Variants in PKHD1 observed in about 807,000 individuals in gnomAD.
The protein encoded by PKHD1 is PKHD1 ciliary IPT domain containing fibrocystin/polyductin, also known as fibrocystin.
In PKHD1, 291 loss-of-function variants were observed where a neutral mutation model predicts 412.0. The observed-to-expected ratio is 0.71, with a 90% confidence interval of 0.64 to 0.78. PKHD1 has a LOEUF of 0.78. PKHD1 is among the 30% of genes least tolerant of loss of function. PKHD1 has a pLI of 0.00. For missense variants in PKHD1, 4,825 were observed against 4,950.7 expected (o/e 0.97, Z 0.76); for synonymous variants, 1,777 against 1,821.5 (o/e 0.98, Z 0.62).
chr6:51,688,262 A>G (rs1362540783), intron 60 of PKHD1, among the ~76,000 whole-genome samples: 2 of 152,252 alleles, frequency 1.3e-5, no homozygotes, highest in Non-Finnish European at 2.9e-5. Context: ...TGTTAAACAC[A>G]ACCCCATATT....
At chr6:52,034,430 A>T (rs1300143712) in intron 28 of PKHD1, among the ~76,000 whole-genome samples, 1 of 152,030 alleles carries the variant, frequency 6.6e-6, no homozygotes, top group Admixed American at 6.6e-5. Context: ...AGTAAAATTT[A>T]TTTTTTATTA....
chr6:51,944,706 C>G (rs1226917843), intron 36 of PKHD1, among the ~76,000 whole-genome samples: 2 of 152,196 alleles, frequency 1.3e-5, no homozygotes, highest in Non-Finnish European at 2.9e-5. Context: ...CCCCATCCCC[C>G]AAATGGTGTG....
chr6:51,847,722 T>G, intron 50 of PKHD1, 53 bp downstream of exon 50: 1 of 1,228,076 alleles, frequency 8.1e-7, no homozygotes, highest in East Asian at 2.3e-5. Context: ...TGAAGGGTGA[T>G]TGGTGATTTC....
intron 52 of PKHD1, among the ~76,000 whole-genome samples, chr6:51,829,551 C>T (rs904334905): frequency 4.6e-5 from 7 of 152,022 alleles, no homozygotes; most frequent in East Asian, 1.9e-4. Flanking sequence ...GAATGACTCA[C>T]GAGCTTGTTT....
chr6:51,764,308 A>C (rs1424536517), intron 55 of PKHD1, among the ~76,000 whole-genome samples: 1 of 149,374 alleles, frequency 6.7e-6, no homozygotes, highest in Non-Finnish European at 1.5e-5. Context: ...AAAACACATG[A>C]AAAAATGCTC....
At chr6:51,780,272 G>C (rs1488028030) in intron 53 of PKHD1, among the ~76,000 whole-genome samples, 2 of 152,030 alleles carry the variant, frequency 1.3e-5, no homozygotes, top group African/African-American at 4.8e-5. Context: ...TGTAGTCTCA[G>C]CTACTCAAGA....
At chr6:51,855,397 CTTA>C (rs1773099536) in intron 49 of PKHD1, among the ~76,000 whole-genome samples, 1 of 152,206 alleles carries the variant, frequency 6.6e-6, no homozygotes, top group South Asian at 2.1e-4. Context: ...CTTCACTGCT[CTTA>C]TTTGTCTCCC....
At chr6:51,638,818 C>CAAAA in intron 64 of PKHD1, 31 bp downstream of exon 64, 2 of 639,300 alleles carry the variant, frequency 3.1e-6, no homozygotes, top group Non-Finnish European at 4.7e-6. Context: ...AAAAAAAAAA[C>CAAAA]ACAGAATAAA....
rs779557630 is a variant in PKHD1 at position 52,053,163 on chromosome 6, C to T, written c.2053G>A (p.Val685Ile). The T allele has an allele frequency of 1.2e-5, 20 of 1,614,194 alleles. No individual in the cohort carries two copies. Among genetic ancestry groups the T allele is most frequent in the Admixed American group, 5.0e-5 (3 of 60,034 alleles). Residue 685 changes from valine (V) to isoleucine (I), a missense_variant, in exon 21 of 67, where the codon GTT becomes ATT. By Grantham distance (29) the Val-to-Ile change is conservative. Coordinates refer to ENST00000371117, the MANE Select transcript of PKHD1 (RefSeq NM_138694.4). Reference protein sequence around the residue: ...QPPPANSPVLVHQINLLPLAQ... With the variant: ...QPPPANSPVLIHQINLLPLAQ... The stretch of plus-strand genomic sequence containing the variant: ...AGAGGGAGAAGGTTGATCTGATGAA[C>T]CAGCACTGGGGAGTTTGCCGGAGGG...
intron 51 of PKHD1, among the ~76,000 whole-genome samples, chr6:51,833,211 A>G (rs1768580049): frequency 6.6e-6 from 1 of 152,098 alleles, no homozygotes; most frequent in South Asian, 2.1e-4. Context: ...ATCTTTAGTT[A>G]CTCCAATTTT....
intron 33 of PKHD1, among the ~76,000 whole-genome samples, chr6:52,018,047 G>C (rs893713948): frequency 3.9e-5 from 6 of 152,100 alleles, no homozygotes; most frequent in African/African-American, 1.4e-4. Context: ...TATGATACAT[G>C]ATAAAATATT....
At chr6:51,757,792 C>T in intron 55 of PKHD1, among the ~76,000 whole-genome samples, 1 of 151,838 alleles carries the variant, frequency 6.6e-6, no homozygotes, top group African/African-American at 2.4e-5. Context: ...CACTTGAACC[C>T]AGGAGTTCAA....
intron 60 of PKHD1, among the ~76,000 whole-genome samples, chr6:51,726,939 T>C (rs1014306909): frequency 3.3e-5 from 5 of 152,156 alleles, no homozygotes; most frequent in Admixed American, 3.3e-4. Flanking sequence ...TCCTGGACTA[T>C]AAACCTTAGA....
chr6:51,650,179 T>C (rs189687060), intron 61 of PKHD1, among the ~76,000 whole-genome samples: 1 of 152,312 alleles, frequency 6.6e-6, no homozygotes, highest in Non-Finnish European at 1.5e-5. Context: ...ATGGAATACA[T>C]AGAAAATAGT....
At chr6:52,049,006 A>G (rs1806321318) in intron 22 of PKHD1, among the ~76,000 whole-genome samples, 1 of 152,204 alleles carries the variant, frequency 6.6e-6, no homozygotes, top group African/African-American at 2.4e-5. Context: ...CCTGCCTTTA[A>G]TATGCCATTG....
rs1042474517 is a variant in PKHD1, at chr6:51,721,713, G to A, written c.10156+22672C>T. On this transcript the variant is annotated intron_variant, in intron 60 of 66. Transcript: ENST00000371117. ...CAAAGATATCCTGACTACGGACAAT[G>A]GTGTCACTGTTGACACCCTCTCCAC... is the stretch of plus-strand genomic sequence containing the variant. 1.4e-5 allele frequency: 18 copies of A among 1,323,414 alleles called. No individual in the cohort carries two copies. The African/African-American group carries it at 2.4e-4, about 18-fold the overall frequency. 82.0% of individuals were successfully genotyped at this position (1,323,414 alleles called of 1,614,324 possible). A position where few individuals can be genotyped will look rare whatever the true frequency, so the allele number is the denominator to read the frequency against.
chr6:51,859,134 C>T (rs750683531), intron 48 of PKHD1, among the ~76,000 whole-genome samples: 16 of 152,118 alleles, frequency 1.1e-4, no homozygotes, highest in Non-Finnish European at 2.2e-4. Context: ...GTTTTAACTA[C>T]AAACCAAAAG....
chr6:51,799,723 T>C (rs144292171), intron 52 of PKHD1, among the ~76,000 whole-genome samples: 89 of 152,306 alleles, frequency 5.8e-4, no homozygotes, highest in African/African-American at 2.1e-3. Context: ...TCAGCTACAA[T>C]GACACTTGCA....
chr6:51,730,721 T>C (rs1783139028), intron 60 of PKHD1, among the ~76,000 whole-genome samples: 1 of 152,236 alleles, frequency 6.6e-6, no homozygotes, highest in African/African-American at 2.4e-5. Context: ...TACTTATTTA[T>C]GAGCTGGTTT....
Sources: allele counts gnomAD v4.1 joint callset (sites outside exome capture counted in the v4.1 genomes callset), GRCh38; gene constraint gnomAD v4.1.1; transcripts MANE v1.5; gene names NCBI Gene and HGNC (gene_info 2026-07-23, HGNC 2026-07-21).